Variants in ANXA13 observed in about 807,000 individuals in gnomAD.
The protein encoded by ANXA13 is annexin XIII.
A neutral mutation model predicts 46.6 loss-of-function variants in ANXA13; 36 were observed. That is an observed-to-expected ratio of 0.77 (90% confidence interval 0.59 to 1.02). The LOEUF is 1.02. ANXA13 is among the 50% of genes least tolerant of loss of function. The pLI, the probability that ANXA13 is intolerant of heterozygous loss-of-function variation, is 0.00. For missense variants in ANXA13, 417 were observed against 396.5 expected, an observed-to-expected ratio of 1.05 and a Z score of -0.44; for synonymous variants, 163 against 152.9, an observed-to-expected ratio of 1.07 and a Z score of -0.49.
At chr8:123,715,386 C>A (rs923730179) in intron 1 of ANXA13, among the ~76,000 whole-genome samples, 2 of 152,204 alleles carry the variant, frequency 1.3e-5, no homozygotes, top group African/African-American at 4.8e-5. Context: ...GGCTTCTTTG[C>A]TTTTCATCCG....
At chr8:123,728,316 T>A (rs1476058909) in intron 1 of ANXA13, 1 of 152,178 alleles carries the variant, frequency 6.6e-6, no homozygotes, top group Non-Finnish European at 1.5e-5. Context: ...CTGTATTGCA[T>A]CAACAAAAGA....
intron 1 of ANXA13, among the ~76,000 whole-genome samples, chr8:123,722,075 C>T (rs13278389): frequency 0.26 from 40,003 of 151,884 alleles, 5,476 homozygotes; most frequent in Non-Finnish European, 0.29. Flanking sequence ...GAGGCCAAGG[C>T]GGGAGGATTG....
chr8:123,717,687 C>T (rs541806638), intron 1 of ANXA13, among the ~76,000 whole-genome samples: 4 of 152,320 alleles, frequency 2.6e-5, no homozygotes, highest in African/African-American at 9.6e-5. Flanking sequence ...AGCCGTGTGA[C>T]TTCGGGCAAG....
At position 123,735,716 on chromosome 8, in the gene ANXA13, G is replaced by T. The variant is rs754898813; in HGVS notation, c.15+1604C>A. On this transcript the variant is annotated intron_variant, in intron 1 of 10. Transcript: ENST00000419625. ...CATATTGGCCCCATGACAGAGCAGG[G>T]GTCATACCTATGATTTGGGGGGAAA... is the stretch of plus-strand genomic sequence containing the variant. The T allele has an allele frequency of 6.3e-6, 10 of 1,588,754 alleles. No homozygotes were observed. The Admixed American group carries it at 8.6e-5, about 14-fold the overall frequency.
chr8:123,735,757 G>A, intron 1 of ANXA13: 1 of 1,610,832 alleles, frequency 6.2e-7, no homozygotes, highest in Non-Finnish European at 8.5e-7. Context: ...GTGCTTACAG[G>A]CTGTGGGGCC....
At chr8:123,734,982 A>C (rs1266301365) in intron 1 of ANXA13, among the ~76,000 whole-genome samples, 4 of 151,992 alleles carry the variant, frequency 2.6e-5, no homozygotes, top group African/African-American at 9.7e-5. Flanking sequence ...GGAGGCTTAC[A>C]AACAAAAGTG....
At chr8:123,719,543 G>A (rs1040157313) in intron 1 of ANXA13, among the ~76,000 whole-genome samples, 4 of 152,174 alleles carry the variant, frequency 2.6e-5, no homozygotes, top group African/African-American at 9.7e-5. Flanking sequence ...TAGCTGAGAG[G>A]AGAAAGGAAT....
intron 1 of ANXA13, 40 bp from the exon 2 acceptor site, chr8:123,712,793 C>T (rs375255283): frequency 3.2e-6 from 5 of 1,573,800 alleles, no homozygotes; most frequent in South Asian, 1.1e-5. Flanking sequence ...ACAATATACG[C>T]ATTCCTAAAT....
At chr8:123,717,612 T>C (rs959890575) in intron 1 of ANXA13, among the ~76,000 whole-genome samples, 7 of 152,188 alleles carry the variant, frequency 4.6e-5, no homozygotes, top group African/African-American at 1.7e-4. Context: ...GAAAATATAA[T>C]AGTAAAGTTG....
chr8:123,733,268 T>G (rs916095806), intron 1 of ANXA13, among the ~76,000 whole-genome samples: 1 of 152,212 alleles, frequency 6.6e-6, no homozygotes, highest in South Asian at 2.1e-4. Flanking sequence ...TGATCTAGAC[T>G]GCTTTCTGCT....
chr8:123,714,521 T>C (rs1269211005), intron 1 of ANXA13, among the ~76,000 whole-genome samples: 1 of 152,230 alleles, frequency 6.6e-6, no homozygotes, highest in Non-Finnish European at 1.5e-5. Flanking sequence ...GTCCTTGGGC[T>C]TCCCCGTTTC....
intron 1 of ANXA13, among the ~76,000 whole-genome samples, chr8:123,717,154 C>G (rs1391562099): frequency 6.6e-6 from 1 of 152,086 alleles, no homozygotes; most frequent in Non-Finnish European, 1.5e-5. Context: ...CACAGGAATC[C>G]TGGTTTGAAT....
chr8:123,695,823 C>G (rs1813321116), intron 4 of ANXA13, 102 bp from the exon 5 acceptor site: 1 of 996,286 alleles, frequency 1.0e-6, no homozygotes, highest in Admixed American at 2.0e-5. Context: ...ACACAAAGTG[C>G]CTTCAAGACT....
chr8:123,683,644 T>C (rs1318612471), intron 10 of ANXA13, among the ~76,000 whole-genome samples: 1 of 147,866 alleles, frequency 6.8e-6, no homozygotes, highest in Admixed American at 6.9e-5. Context: ...TGGAGTGTAG[T>C]GGCACCATCT....
rs1813108832 is a variant in ANXA13, at chr8:123,684,784, C to A, written c.719-62G>T. The stretch of plus-strand genomic sequence containing the variant: ...CACGTTTTGTGGAATGACCTTGGGA[C>A]CCCCCTAAATGTCACCTGGCTGCCC... On this transcript the variant is annotated intron_variant, in intron 9 of 10. Transcript: ENST00000419625. The A allele has an allele frequency of 2.3e-6, 3 of 1,290,938 alleles. No individual in the cohort carries two copies. In the East Asian group the frequency reaches 6.9e-5, roughly 30 times the overall value. The allele number at this position is 1,290,938 out of a possible 1,614,324, so 80.0% of individuals were successfully genotyped here. A position where few individuals can be genotyped will look rare whatever the true frequency, so the allele number is the denominator to read the frequency against.
At chr8:123,681,957 T>C (rs936626574) in intron 10 of ANXA13, among the ~76,000 whole-genome samples, 2 of 152,184 alleles carry the variant, frequency 1.3e-5, no homozygotes, top group Admixed American at 1.3e-4. Context: ...AGTTTTTACA[T>C]GTTACAAAGT....
intron 7 of ANXA13, 116 bp downstream of exon 7, chr8:123,693,595 T>A (rs1586315966): frequency 1.1e-6 from 1 of 893,624 alleles, no homozygotes; most frequent in East Asian, 2.5e-5. Flanking sequence ...TCTAAGCATA[T>A]CTTTGTTTCT....
chr8:123,729,663 G>T (rs1171024995), intron 1 of ANXA13, among the ~76,000 whole-genome samples: 2 of 152,156 alleles, frequency 1.3e-5, no homozygotes, highest in East Asian at 3.9e-4. Flanking sequence ...TACATCCAGA[G>T]TATGTCTGAC....
chr8:123,681,470 G>T, intron 10 of ANXA13, 111 bp from the exon 11 acceptor site: 1 of 1,056,294 alleles, frequency 9.5e-7, no homozygotes, highest in Non-Finnish European at 1.4e-6. Flanking sequence ...CCTTAAAACA[G>T]CCCTTGAGAT....
Sources: allele counts gnomAD v4.1 joint callset (sites outside exome capture counted in the v4.1 genomes callset), GRCh38; gene constraint gnomAD v4.1.1; transcripts MANE v1.5; gene names NCBI Gene and HGNC (gene_info 2026-07-23, HGNC 2026-07-21).